Variants in SMG7 observed in about 807,000 individuals in gnomAD.
SMG7 encodes nonsense-mediated mRNA decay factor SMG7.
SMG7 carries 34 observed loss-of-function variants against 148.2 expected under a neutral mutation model. The ratio of observed to expected loss-of-function variants is 0.23; its 90% CI spans 0.17 to 0.31. The LOEUF (loss-of-function observed/expected upper bound fraction) is 0.31. SMG7 is among the 10% of genes least tolerant of loss of function. The probability of loss-of-function intolerance (pLI) is 1.00; values close to 1 mark genes in which losing one functional copy is unlikely to be tolerated. For synonymous variants in SMG7, 492 were observed against 515.1 expected, an observed-to-expected ratio of 0.96 and a Z score of 0.61; for missense variants, 1,114 against 1,408.4, an observed-to-expected ratio of 0.79 and a Z score of 3.35.
chr1:183,516,043 G>A (rs781426210), intron 3 of SMG7, 52 bp downstream of exon 3: 9 of 1,121,912 alleles, frequency 8.0e-6, no homozygotes, highest in South Asian at 1.3e-5. Flanking sequence ...GAATTTCACC[G>A]AGACTTTAAA....
chr1:183,504,236 T>G (rs1033178551), intron 1 of SMG7, among the ~76,000 whole-genome samples: 1 of 152,164 alleles, frequency 6.6e-6, no homozygotes, highest in Admixed American at 6.5e-5. Flanking sequence ...TAAAAAAAAA[T>G]TGACTTATTT....
At chr1:183,541,538 G>A (rs146341648) in intron 13 of SMG7, among the ~76,000 whole-genome samples, 4 of 152,122 alleles carry the variant, frequency 2.6e-5, no homozygotes, top group East Asian at 1.9e-4. Context: ...GGAAAAGAAC[G>A]CAGGTTTTGT....
chr1:183,521,823 G>A (rs933400457), intron 4 of SMG7, among the ~76,000 whole-genome samples: 2 of 147,374 alleles, frequency 1.4e-5, no homozygotes, highest in African/African-American at 2.5e-5. Context: ...CCATATTTGC[G>A]CCACCTGCCT....
In SMG7 at chr1:183,552,570, A is replaced by G; in HGVS notation, c.*639A>G. ...GAAATGTTCCATAAGGGAGAGTTCAAGGCCTGTCAGAAGGCTCTGGTAGGC... is the reference window on the plus strand; with the variant it reads ...GAAATGTTCCATAAGGGAGAGTTCAGGGCCTGTCAGAAGGCTCTGGTAGGC... On this transcript the variant is annotated 3_prime_UTR_variant, in exon 23 of 23. Transcript: ENST00000688051. The G allele has an allele frequency of 9.8e-7, 1 of 1,018,582 alleles. No individual in the cohort carries two copies. The highest frequency in any genetic ancestry group is 4.0e-5 in the South Asian group (1 of 25,294). The allele number at this position is 1,018,582 out of a possible 1,614,324, so 63.1% of individuals were successfully genotyped here. A position where few individuals can be genotyped will look rare whatever the true frequency, so the allele number is the denominator to read the frequency against.
chr1:183,478,177 C>G (rs1293310922), intron 1 of SMG7, among the ~76,000 whole-genome samples: 1 of 152,044 alleles, frequency 6.6e-6, no homozygotes, highest in Non-Finnish European at 1.5e-5. Flanking sequence ...AATGCTAGAT[C>G]AGATAGTCAC....
At position 183,507,076 on chromosome 1, in the gene SMG7, G is replaced by C. The variant is rs1004143647; in HGVS notation, c.30-5761G>C. Among the ~76,000 whole-genome samples the C allele has an allele frequency of 2.0e-5, 3 of 151,738 alleles. No homozygotes were observed. The East Asian group carries it at 5.8e-4, about 29-fold the overall frequency. ...GTATTTTTAGTAGAGACGAGGCTTC[G>C]CTATGTTGGCTAGGCTGGTCTTGAA... On this transcript the variant is annotated intron_variant, in intron 1 of 22. Transcript: ENST00000688051.
intron 1 of SMG7, among the ~76,000 whole-genome samples, chr1:183,498,268 T>C (rs1296233207): frequency 1.3e-5 from 2 of 152,146 alleles, no homozygotes; most frequent in Admixed American, 1.3e-4. Flanking sequence ...CAGTGGCTCA[T>C]ACCTGTAATC....
chr1:183,552,156 G>A lies in SMG7; in HGVS notation c.*225G>A. On this transcript the variant is annotated 3_prime_UTR_variant, in exon 23 of 23. Transcript: ENST00000688051. ...TCCGTCCCCCCGGGGCCCTCCGGAG[G>A]GAGAGAGAGAGGAACTGCTGTTTAT... is the stretch of plus-strand genomic sequence containing the variant. 1 of 1,196,482 alleles carries A rather than the reference G, an allele frequency of 8.4e-7. No individual in the cohort carries two copies. Among genetic ancestry groups the A allele is most frequent in the Middle Eastern group, 3.4e-4 (1 of 2,940 alleles). 74.1% of individuals were successfully genotyped at this position (1,196,482 alleles called of 1,614,324 possible). A position where few individuals can be genotyped will look rare whatever the true frequency, so the allele number is the denominator to read the frequency against.
At chr1:183,546,991 T>A in intron 17 of SMG7, 112 bp from the exon 18 acceptor site, 1 of 1,021,668 alleles carries the variant, frequency 9.8e-7, no homozygotes, top group Non-Finnish European at 1.4e-6. Context: ...TAATACCATC[T>A]ATCTCACTAT....
Position 183,553,623 on chromosome 1 carries a change from T to A in SMG7, c.*1692T>A, listed in dbSNP as rs1457235905. On this transcript the variant is annotated 3_prime_UTR_variant, in exon 23 of 23. Transcript: ENST00000688051. ...AGTGGTTGGAGCCCCCCCCGCCCCGTATGCTTACATTATTGCTCTTTTAGT... is the reference window on the plus strand; with the variant it reads ...AGTGGTTGGAGCCCCCCCCGCCCCGAATGCTTACATTATTGCTCTTTTAGT... 9.9e-6 allele frequency: 1 copy of A among 101,252 alleles called. No homozygotes were observed. The highest frequency in any genetic ancestry group is 2.3e-5 in the Non-Finnish European group (1 of 42,868). The allele number at this position is 101,252 out of a possible 1,614,324, so 6.3% of individuals were successfully genotyped here.
rs1572132858 is a variant in SMG7, at chr1:183,553,260, CAGA to C, written c.*1332_*1334del. The C allele has an allele frequency of 4.9e-6, 7 of 1,426,266 alleles. No homozygotes were observed. The highest frequency in any genetic ancestry group is 5.0e-5 in the East Asian group (2 of 39,944). 88.4% of individuals were successfully genotyped at this position (1,426,266 alleles called of 1,614,324 possible). ...GACTGAAAATGTTCTTGTGTAGAAA[CAGA>C]AGGACAGCATTTCTGTTAGTCATTT... On this transcript the variant is annotated 3_prime_UTR_variant, in exon 23 of 23. Coordinates refer to ENST00000688051, the MANE Select transcript of SMG7 (RefSeq NM_001375584.1).
intron 1 of SMG7, among the ~76,000 whole-genome samples, chr1:183,508,980 T>C (rs1661571930): frequency 6.6e-6 from 1 of 152,218 alleles, no homozygotes; most frequent in Non-Finnish European, 1.5e-5. Context: ...AGTTTTACTT[T>C]TGTTCTTTTC....
At chr1:183,484,417 G>T in intron 1 of SMG7, among the ~76,000 whole-genome samples, 1 of 146,320 alleles carries the variant, frequency 6.8e-6, no homozygotes. Flanking sequence ...GGAACTCACC[G>T]ATAGAGGGCC....
chr1:183,487,061 A>G (rs1655626053), intron 1 of SMG7, among the ~76,000 whole-genome samples: 1 of 152,198 alleles, frequency 6.6e-6, no homozygotes, highest in African/African-American at 2.4e-5. Context: ...TAGGACCAGT[A>G]GCGGTATTCG....
At chr1:183,476,870 G>A (rs955732383) in intron 1 of SMG7, among the ~76,000 whole-genome samples, 1 of 152,112 alleles carries the variant, frequency 6.6e-6, no homozygotes, top group African/African-American at 2.4e-5. Flanking sequence ...ATTTATGACA[G>A]AATGAAAGAT....
At chr1:183,473,785 C>T (rs1033102207) in intron 1 of SMG7, 6 of 984,934 alleles carry the variant, frequency 6.1e-6, no homozygotes, top group Non-Finnish European at 7.2e-6. Context: ...TCATACCTTG[C>T]GGAGGAGGGA....
chr1:183,497,663 C>A (rs748860976), intron 1 of SMG7, among the ~76,000 whole-genome samples: 1 of 152,126 alleles, frequency 6.6e-6, no homozygotes, highest in African/African-American at 2.4e-5. Context: ...TCTGCCTCCC[C>A]GGTTCATGCG....
At position 183,542,062 on chromosome 1, in the gene SMG7, T is replaced by A; in HGVS notation, c.1416-14T>A. 6.3e-7 allele frequency: 1 copy of A among 1,583,726 alleles called. No homozygotes were observed. The highest frequency in any genetic ancestry group is 8.6e-7 in the Non-Finnish European group (1 of 1,166,290). ...TAATGTTTTTTATATATGGATTTATTTTTGCTTTTTTAGGCTGATTCAGTG... is the reference window on the plus strand; with the variant it reads ...TAATGTTTTTTATATATGGATTTATATTTGCTTTTTTAGGCTGATTCAGTG... On this transcript the variant is annotated splice_polypyrimidine_tract_variant and intron_variant, in intron 13 of 22. Coordinates refer to ENST00000688051, the MANE Select transcript of SMG7 (RefSeq NM_001375584.1).
chr1:183,537,642 C>T lies in SMG7; in HGVS notation c.1234+427C>T, dbSNP rs565117467. Among the ~76,000 whole-genome samples, 5 of 152,302 alleles carry T rather than the reference C, an allele frequency of 3.3e-5. No homozygotes were observed. The South Asian group carries it at 8.3e-4, about 25-fold the overall frequency. On this transcript the variant is annotated intron_variant, in intron 11 of 22. Coordinates refer to ENST00000688051, the MANE Select transcript of SMG7 (RefSeq NM_001375584.1). ...ATATCTTCTTCGGGCCTTTTTCTTA[C>T]GTGTGTACACACACACAGGAAATGA...
Sources: gnomAD v4.1 joint callset for allele counts (sites outside exome capture counted in the v4.1 genomes callset) on GRCh38, gnomAD v4.1.1 for gene constraint, MANE v1.5 for transcripts, NCBI Gene and HGNC (gene_info 2026-07-23, HGNC 2026-07-21) for gene names.